TMEM117: variants seen among roughly 807,000 people sequenced by gnomAD.
TMEM117 encodes transmembrane protein 117.
In TMEM117, 27 loss-of-function variants were observed where a neutral mutation model predicts 52.4. The ratio of observed to expected loss-of-function variants is 0.51; its 90% confidence interval spans 0.38 to 0.71. The LOEUF (loss-of-function observed/expected upper bound fraction) is 0.71, where lower values mean the gene tolerates loss of function less well. Ranked by LOEUF, TMEM117 falls within the 30% of genes least tolerant of loss-of-function variation. The probability of loss-of-function intolerance (pLI) is 0.00; values close to 1 mark genes in which losing one functional copy is unlikely to be tolerated. For missense variants in TMEM117, 556 were observed against 630.5 expected, an observed-to-expected ratio of 0.88 and a Z score of 1.26; for synonymous variants, 215 against 206.3, an observed-to-expected ratio of 1.04 and a Z score of -0.36.
At chr12:44,346,196 A>T (rs1951484510) in intron 6 of TMEM117, among the ~76,000 whole-genome samples, 1 of 152,096 alleles carries the variant, frequency 6.6e-6, no homozygotes, top group African/African-American at 2.4e-5. Flanking sequence ...GCTTTCCTTT[A>T]ATTAAGCTCT....
intron 5 of TMEM117, among the ~76,000 whole-genome samples, chr12:44,272,020 T>C (rs895678715): frequency 5.3e-5 from 8 of 152,016 alleles, no homozygotes; most frequent in Admixed American, 5.2e-4. Context: ...GAAATGCAAA[T>C]AAAAACCTTG....
chr12:44,022,370 A>C (rs991697410), intron 3 of TMEM117, among the ~76,000 whole-genome samples: 1 of 152,188 alleles, frequency 6.6e-6, no homozygotes, highest in Non-Finnish European at 1.5e-5. Context: ...CTCTCCTTTG[A>C]AATTCTGGCC....
intron 6 of TMEM117, among the ~76,000 whole-genome samples, chr12:44,375,287 A>G (rs1469061697): frequency 1.3e-5 from 2 of 152,212 alleles, no homozygotes; most frequent in Non-Finnish European, 2.9e-5. Flanking sequence ...TGATGTCTGA[A>G]AGACAAGTGG....
chr12:43,860,736 C>G (rs147455826), intron 2 of TMEM117, among the ~76,000 whole-genome samples: 41 of 152,250 alleles, frequency 2.7e-4, no homozygotes, highest in African/African-American at 8.9e-4. Context: ...GGAGGTGGGA[C>G]AGCCGGTCAT....
intron 5 of TMEM117, among the ~76,000 whole-genome samples, chr12:44,292,872 C>T (rs1950721773): frequency 6.6e-6 from 1 of 151,878 alleles, no homozygotes; most frequent in African/African-American, 2.4e-5. Flanking sequence ...AAGAATGTTC[C>T]ATGTATGCTG....
intron 1 of TMEM117, among the ~76,000 whole-genome samples, chr12:43,836,873 A>G (rs1407605479): frequency 6.6e-6 from 1 of 152,118 alleles, no homozygotes; most frequent in African/African-American, 2.4e-5. Context: ...AAAGGAAAAA[A>G]AATGAGTAAA....
rs540572030 is a variant in TMEM117, at chr12:44,372,413, A to G, written c.769-4182A>G. On this transcript the variant is annotated intron_variant, in intron 6 of 7. Transcript: ENST00000266534. ...TGTATATAAAACTGGCTATACATCC[A>G]TAGTTATGATGCCAGGAGAATCTCA... Among the ~76,000 whole-genome samples the G allele has an allele frequency of 3.2e-4, 48 of 152,294 alleles. No homozygotes were observed. In the South Asian group the frequency reaches 9.5e-3, roughly 30 times the overall value.
At chr12:43,980,823 C>T (rs775553778) in intron 3 of TMEM117, among the ~76,000 whole-genome samples, 60 of 152,104 alleles carry the variant, frequency 3.9e-4, no homozygotes, top group Non-Finnish European at 6.8e-4. Flanking sequence ...TAGCAGCCCC[C>T]GAAGCCGGCG....
At chr12:43,949,659 AT>A (rs1945189064) in intron 3 of TMEM117, among the ~76,000 whole-genome samples, 1 of 152,032 alleles carries the variant, frequency 6.6e-6, no homozygotes, top group African/African-American at 2.4e-5. Context: ...ACCAATTATT[AT>A]TTTGGAGAGA....
chr12:44,070,071 T>C (rs1443750206), intron 3 of TMEM117, among the ~76,000 whole-genome samples: 1 of 152,140 alleles, frequency 6.6e-6, no homozygotes, highest in Non-Finnish European at 1.5e-5. Context: ...TTGTATTTTT[T>C]GTAGAGATAG....
intron 3 of TMEM117, among the ~76,000 whole-genome samples, chr12:44,067,514 C>T (rs1208611822): frequency 6.6e-6 from 1 of 152,146 alleles, no homozygotes; most frequent in African/African-American, 2.4e-5. Context: ...TCTCCTTGTA[C>T]ATCTCCCTCA....
intron 3 of TMEM117, among the ~76,000 whole-genome samples, chr12:44,006,971 T>G (rs1351133167): frequency 2.0e-5 from 3 of 152,204 alleles, no homozygotes; most frequent in Admixed American, 1.3e-4. Flanking sequence ...TTTAGAGACA[T>G]ACTTGTTTTC....
chr12:44,337,799 A>G (rs1377972403), intron 6 of TMEM117, among the ~76,000 whole-genome samples: 2 of 152,094 alleles, frequency 1.3e-5, no homozygotes, highest in African/African-American at 4.8e-5. Flanking sequence ...GTATCTTGGC[A>G]TTAATTGAAT....
At chr12:44,374,116 G>C (rs1433913611) in intron 6 of TMEM117, among the ~76,000 whole-genome samples, 2 of 152,018 alleles carry the variant, frequency 1.3e-5, no homozygotes, top group Admixed American at 6.6e-5. Flanking sequence ...AGCACCACAT[G>C]TTCTGCAAAA....
intron 2 of TMEM117, among the ~76,000 whole-genome samples, chr12:43,936,345 A>G (rs1364553152): frequency 6.6e-6 from 1 of 152,156 alleles, no homozygotes; most frequent in Non-Finnish European, 1.5e-5. Context: ...CAAGTTGCAA[A>G]TAGTGGCATA....
chr12:44,049,481 A>T (rs554130406), intron 3 of TMEM117, among the ~76,000 whole-genome samples: 1 of 151,954 alleles, frequency 6.6e-6, no homozygotes, highest in South Asian at 2.1e-4. Flanking sequence ...CCACCATGGC[A>T]CAGGTATACC....
chr12:43,894,513 T>G (rs980329856), intron 2 of TMEM117, among the ~76,000 whole-genome samples: 2 of 152,010 alleles, frequency 1.3e-5, no homozygotes. Context: ...GTATTAAGCC[T>G]GGAACGTACT....
chr12:44,341,084 G>A (rs1951410346), intron 6 of TMEM117, among the ~76,000 whole-genome samples: 1 of 151,830 alleles, frequency 6.6e-6, no homozygotes, highest in African/African-American at 2.4e-5. Context: ...TTTGCACTCT[G>A]GACCTATTGG....
intron 3 of TMEM117, among the ~76,000 whole-genome samples, chr12:43,953,484 T>A (rs552229404): frequency 6.6e-6 from 1 of 151,828 alleles, no homozygotes; most frequent in African/African-American, 2.4e-5. Flanking sequence ...AAGCAGAAAA[T>A]AGCAGGAGTT....
Sources: gnomAD v4.1 joint callset for allele counts (sites outside exome capture counted in the v4.1 genomes callset) on GRCh38, gnomAD v4.1.1 for gene constraint, MANE v1.5 for transcripts, NCBI Gene and HGNC (gene_info 2026-07-23, HGNC 2026-07-21) for gene names.